The following GRM7 variants were observed in gnomAD, a reference collection of about 807,000 sequenced individuals.
GRM7 encodes the protein metabotropic glutamate receptor 7.
In GRM7, 35 loss-of-function variants were observed where a neutral mutation model predicts 84.5. The observed-to-expected ratio is 0.41, with a 90% CI of 0.32 to 0.55. GRM7 has a LOEUF of 0.55. Among genes scored for constraint, GRM7 ranks in the 20% least tolerant of loss-of-function variants. The probability of loss-of-function intolerance (pLI) is 0.19; values close to 1 mark genes in which losing one functional copy is unlikely to be tolerated. For synonymous variants in GRM7, 487 were observed against 455.1 expected, an observed-to-expected ratio of 1.07 and a Z score of -0.89; for missense variants, 1,003 against 1,194.6, an observed-to-expected ratio of 0.84 and a Z score of 2.36.
At chr3:7,657,142 G>C (rs188323562) in intron 8 of GRM7, among the ~76,000 whole-genome samples, 1 of 152,268 alleles carries the variant, frequency 6.6e-6, no homozygotes, top group South Asian at 2.1e-4. Flanking sequence ...ATGATGACCT[G>C]AGTATTGTTG....
intron 8 of GRM7, among the ~76,000 whole-genome samples, chr3:7,588,826 G>A (rs1368159821): frequency 1.3e-5 from 2 of 152,090 alleles, no homozygotes; most frequent in East Asian, 1.9e-4. Context: ...CACGCTCTTC[G>A]TCCTCACTTT....
chr3:7,078,514 A>T (rs554261426), intron 1 of GRM7, among the ~76,000 whole-genome samples: 219 of 152,216 alleles, frequency 1.4e-3, no homozygotes, highest in Non-Finnish European at 2.1e-3. Context: ...TAGAATAATC[A>T]CTCCATCATG....
At chr3:7,284,290 G>A (rs1699351728) in intron 2 of GRM7, among the ~76,000 whole-genome samples, 1 of 124,398 alleles carries the variant, frequency 8.0e-6, no homozygotes, top group Non-Finnish European at 1.8e-5. Context: ...TCACTCGTGT[G>A]TGTGTGTGTG....
In GRM7 at chr3:6,882,396, A is replaced by G. The variant is rs181356650; in HGVS notation, c.519+20489A>G. Among the ~76,000 whole-genome samples, 275 of 152,300 alleles carry G rather than the reference A, an allele frequency of 1.8e-3. 1 individual carries two copies. The highest frequency in any genetic ancestry group is 3.1e-3 in the Admixed American group (48 of 15,282). On this transcript the variant is annotated intron_variant, in intron 1 of 9. Transcript: ENST00000357716. ...AATTAAAAAGGCATAAAGAAAAAGT[A>G]TAAGCCAGGCATGGTAGCATTAGCT...
intron 2 of GRM7, among the ~76,000 whole-genome samples, chr3:7,281,584 T>C (rs1439189478): frequency 6.6e-6 from 1 of 152,192 alleles, no homozygotes; most frequent in Non-Finnish European, 1.5e-5. Context: ...ACTACAGTTT[T>C]CCTAAGAAAG....
intron 7 of GRM7, among the ~76,000 whole-genome samples, chr3:7,506,691 A>G (rs1700049152): frequency 6.6e-6 from 1 of 152,160 alleles, no homozygotes; most frequent in Admixed American, 6.5e-5. Context: ...TCAGGGCATA[A>G]AGGCTCTTGG....
chr3:7,263,400 C>G (rs1698512349), intron 2 of GRM7, among the ~76,000 whole-genome samples: 2 of 152,202 alleles, frequency 1.3e-5, no homozygotes, highest in African/African-American at 2.4e-5. Flanking sequence ...TGTTATTGTT[C>G]ACACATGCCA....
At chr3:6,988,293 T>G (rs572540276) in intron 1 of GRM7, among the ~76,000 whole-genome samples, 3 of 149,816 alleles carry the variant, frequency 2.0e-5, no homozygotes, top group East Asian at 2.0e-4. Context: ...ACAGGCGTGA[T>G]CCACTGCGCC....
chr3:7,385,522 G>T lies in GRM7; in HGVS notation c.1034-29501G>T, dbSNP rs184833590. Among the ~76,000 whole-genome samples, 189 of 151,914 alleles carry T rather than the reference G, an allele frequency of 1.2e-3. 2 individuals are homozygous for T. In the Middle Eastern group the frequency reaches 0.017, roughly 14 times the overall value. Reference sequence around the variant, plus strand: ...TCACCATGTTATGCAGGATGGTCTCGATCTCCTGACCTCGTGATCCACGCA... The same window carrying T: ...TCACCATGTTATGCAGGATGGTCTCTATCTCCTGACCTCGTGATCCACGCA... On this transcript the variant is annotated intron_variant, in intron 4 of 9. Coordinates refer to ENST00000357716, the MANE Select transcript of GRM7 (RefSeq NM_000844.4).
chr3:7,414,791 A>G (rs1475609046), intron 4 of GRM7, among the ~76,000 whole-genome samples: 2 of 152,078 alleles, frequency 1.3e-5, no homozygotes, highest in African/African-American at 2.4e-5. Flanking sequence ...CTCACCTACA[A>G]ATGGAAATTA....
intron 4 of GRM7, among the ~76,000 whole-genome samples, chr3:7,329,605 T>G (rs35458781): frequency 0.42 from 64,545 of 151,892 alleles, 13,771 homozygotes; most frequent in Middle Eastern, 0.49. Flanking sequence ...AAAAAGGTGA[T>G]TTTTAGCTAT....
intron 8 of GRM7, among the ~76,000 whole-genome samples, chr3:7,609,016 G>A (rs1019804877): frequency 6.6e-6 from 1 of 152,154 alleles, no homozygotes; most frequent in South Asian, 2.1e-4. Context: ...TCAAAGATTA[G>A]ATGGTCATAC....
chr3:7,454,551 C>G (rs552765976), intron 6 of GRM7, among the ~76,000 whole-genome samples: 9 of 151,988 alleles, frequency 5.9e-5, no homozygotes, highest in African/African-American at 2.2e-4. Context: ...CTATATAAGG[C>G]TGAAGACAAA....
At chr3:7,601,947 G>A (rs946362716) in intron 8 of GRM7, among the ~76,000 whole-genome samples, 7 of 151,988 alleles carry the variant, frequency 4.6e-5, no homozygotes, top group Admixed American at 1.3e-4. Flanking sequence ...CTCTGCAGCC[G>A]AGGAGAGGAA....
chr3:7,029,325 A>C (rs1251856017), intron 1 of GRM7, among the ~76,000 whole-genome samples: 18 of 143,486 alleles, frequency 1.3e-4, no homozygotes, highest in Non-Finnish European at 4.7e-5. Context: ...CAAAAAAAAA[A>C]AACAAACAAA....
At chr3:7,257,976 T>C (rs1325393739) in intron 2 of GRM7, among the ~76,000 whole-genome samples, 1 of 152,194 alleles carries the variant, frequency 6.6e-6, no homozygotes, top group Non-Finnish European at 1.5e-5. Context: ...GAGCCATCCA[T>C]GCATGGGCCA....
At chr3:6,967,224 T>A (rs1210949785) in intron 1 of GRM7, among the ~76,000 whole-genome samples, 1 of 152,164 alleles carries the variant, frequency 6.6e-6, no homozygotes, top group Non-Finnish European at 1.5e-5. Context: ...AGTCTGGCTC[T>A]GCCACCCAGG....
At chr3:7,725,923 G>A (rs1702109319) in intron 9 of GRM7, among the ~76,000 whole-genome samples, 1 of 152,138 alleles carries the variant, frequency 6.6e-6, no homozygotes, top group Non-Finnish European at 1.5e-5. Context: ...AACGTTAGGG[G>A]GAGAAGTCTC....
intron 8 of GRM7, among the ~76,000 whole-genome samples, chr3:7,672,904 C>T (rs1297393185): frequency 6.6e-6 from 1 of 152,104 alleles, no homozygotes; most frequent in Non-Finnish European, 1.5e-5. Context: ...CTTGAATATA[C>T]TTTCAAACAA....
Sources: gnomAD v4.1 joint callset for allele counts (sites outside exome capture counted in the v4.1 genomes callset) on GRCh38, gnomAD v4.1.1 for gene constraint, MANE v1.5 for transcripts, NCBI Gene and HGNC (gene_info 2026-07-23, HGNC 2026-07-21) for gene names.